Variants in ALPK1 observed in about 807,000 individuals in gnomAD.
ALPK1 encodes alpha-protein kinase 1.
ALPK1 carries 110 observed loss-of-function variants against 120.6 expected under a neutral mutation model. The observed-to-expected ratio is 0.91, with a 90% CI of 0.78 to 1.07. The LOEUF is 1.07. Among genes scored for constraint, ALPK1 ranks in the 50% least tolerant of loss-of-function variants. The pLI is 0.00. For synonymous variants in ALPK1, 582 were observed against 560.3 expected, an observed-to-expected ratio of 1.04 and a Z score of -0.55; for missense variants, 1,498 against 1,483.9, an observed-to-expected ratio of 1.01 and a Z score of -0.16.
chr4:112,364,027 C>A (rs1332068452), intron 2 of ALPK1, among the ~76,000 whole-genome samples: 1 of 152,034 alleles, frequency 6.6e-6, no homozygotes, highest in Non-Finnish European at 1.5e-5. Context: ...AATAGTGACA[C>A]AACCTATCAA....
At chr4:112,432,904 C>T (rs930558771) in intron 11 of ALPK1, among the ~76,000 whole-genome samples, 3 of 152,212 alleles carry the variant, frequency 2.0e-5, no homozygotes, top group African/African-American at 4.8e-5. Flanking sequence ...GAGGCCGTCT[C>T]ATCCACTCAG....
intron 1 of ALPK1, among the ~76,000 whole-genome samples, chr4:112,312,215 C>T (rs6826989): frequency 0.083 from 12,598 of 152,024 alleles, 815 homozygotes; most frequent in Admixed American, 0.21. Context: ...TTATTTTTCT[C>T]CAAAATTTTT....
At chr4:112,357,587 T>C in intron 2 of ALPK1, 1 of 1,555,230 alleles carries the variant, frequency 6.4e-7, no homozygotes, top group Non-Finnish European at 8.9e-7. Context: ...TCCTTTGCCC[T>C]GGAGTTGCAG....
chr4:112,322,091 T>A (rs756452275), intron 2 of ALPK1, among the ~76,000 whole-genome samples: 14 of 152,194 alleles, frequency 9.2e-5, no homozygotes, highest in Middle Eastern at 3.2e-3. Flanking sequence ...GGTGTTGGCA[T>A]CCTCATTAAC....
At chr4:112,304,241 T>G (rs887809629) in intron 1 of ALPK1, among the ~76,000 whole-genome samples, 1 of 152,098 alleles carries the variant, frequency 6.6e-6, no homozygotes, top group Non-Finnish European at 1.5e-5. Flanking sequence ...GCAGCATGAT[T>G]TATAATCCTT....
At chr4:112,342,743 T>C (rs918937733) in intron 2 of ALPK1, among the ~76,000 whole-genome samples, 3 of 152,344 alleles carry the variant, frequency 2.0e-5, no homozygotes, top group Admixed American at 2.0e-4. Context: ...TGTACTTTTA[T>C]CCTTACTAAG....
At chr4:112,381,894 A>T (rs147569100) in intron 3 of ALPK1, among the ~76,000 whole-genome samples, 29 of 152,298 alleles carry the variant, frequency 1.9e-4, no homozygotes, top group African/African-American at 7.0e-4. Flanking sequence ...TTCAAATCTG[A>T]TATGTGTTTT....
intron 2 of ALPK1, among the ~76,000 whole-genome samples, chr4:112,363,773 G>A (rs1027295796): frequency 1.3e-5 from 2 of 152,116 alleles, no homozygotes; most frequent in Non-Finnish European, 2.9e-5. Context: ...ATTCATCAGT[G>A]CATGGAACTT....
intron 7 of ALPK1, chr4:112,425,970 G>T (rs911623892): frequency 2.5e-6 from 1 of 399,128 alleles, no homozygotes; most frequent in Non-Finnish European, 4.6e-6. Flanking sequence ...GAGGTTCACG[G>T]TTGTATATTG....
intron 1 of ALPK1, among the ~76,000 whole-genome samples, chr4:112,305,256 C>T (rs1424209272): frequency 6.6e-6 from 1 of 151,910 alleles, no homozygotes; most frequent in Non-Finnish European, 1.5e-5. Context: ...TCCATATGAA[C>T]TTTAAAGTAG....
intron 2 of ALPK1, among the ~76,000 whole-genome samples, chr4:112,339,765 C>T (rs983645218): frequency 2.6e-5 from 4 of 152,162 alleles, no homozygotes; most frequent in Admixed American, 6.5e-5. Flanking sequence ...GAAATTACTG[C>T]ATCTAAATGT....
chr4:112,343,745 T>TC (rs200808137), intron 2 of ALPK1, among the ~76,000 whole-genome samples: 8 of 117,200 alleles, frequency 6.8e-5, no homozygotes, highest in South Asian at 3.2e-4. Flanking sequence ...CCCCACCCTT[T>TC]CCCCCCCTTC....
Position 112,372,253 on chromosome 4 carries a change from G to A in ALPK1, c.-100-5425G>A, listed in dbSNP as rs528315852. ...TTTTGAGATGGAGTCTTGCTCTGTC[G>A]CTCAGGCTGGAGTGCAGTGGCGTGA... is the stretch of plus-strand genomic sequence containing the variant. On this transcript the variant is annotated intron_variant, in intron 2 of 15. Transcript: ENST00000650871. Among the ~76,000 whole-genome samples, 10 of 144,350 alleles carry A rather than the reference G, an allele frequency of 6.9e-5. No homozygotes were observed. The East Asian group carries it at 1.0e-3, about 15-fold the overall frequency. 94.7% of individuals were successfully genotyped at this position (144,350 alleles called of 152,430 possible).
At chr4:112,359,427 C>A in intron 2 of ALPK1, 1 of 306,998 alleles carries the variant, frequency 3.3e-6, no homozygotes, top group Non-Finnish European at 6.3e-6. Context: ...CCCCCTGCTG[C>A]AGAGGTTCAG....
chr4:112,419,446 G>A (rs1733890677), intron 5 of ALPK1, among the ~76,000 whole-genome samples: 1 of 150,606 alleles, frequency 6.6e-6, no homozygotes. Context: ...AAATAGCACA[G>A]CAATGAGGTT....
intron 1 of ALPK1, among the ~76,000 whole-genome samples, chr4:112,299,179 A>T (rs937309353): frequency 3.9e-5 from 6 of 152,032 alleles, no homozygotes; most frequent in African/African-American, 1.4e-4. Context: ...GAATGTTGTA[A>T]TATGCTTTAT....
intron 2 of ALPK1, among the ~76,000 whole-genome samples, chr4:112,333,853 T>C (rs1473756673): frequency 6.6e-6 from 1 of 152,190 alleles, no homozygotes; most frequent in Non-Finnish European, 1.5e-5. Flanking sequence ...CCACAGCCTC[T>C]CTAAGAGAAG....
At position 112,308,306 on chromosome 4, in the gene ALPK1, T is replaced by C. The variant is rs1038975456; in HGVS notation, c.-152-7495T>C. 1.2e-4 allele frequency among the ~76,000 whole-genome samples: 18 copies of C among 152,230 alleles called. No individual in the cohort carries two copies. In the East Asian group the frequency reaches 3.5e-3, roughly 29 times the overall value. On this transcript the variant is annotated intron_variant, in intron 1 of 15. Coordinates refer to ENST00000650871, the MANE Select transcript of ALPK1 (RefSeq NM_025144.4). ...TTGAATGTTGGCCTGCCTTGCTAGG[T>C]TGGGGAAGTTGTCCTGGATAATATC...
chr4:112,390,344 G>T (rs913301613), intron 4 of ALPK1, among the ~76,000 whole-genome samples: 5 of 152,166 alleles, frequency 3.3e-5, no homozygotes, highest in Admixed American at 6.5e-5. Flanking sequence ...TCTCAGGGAA[G>T]CCTGCCCTGA....
Sources: allele counts gnomAD v4.1 joint callset (sites outside exome capture counted in the v4.1 genomes callset), GRCh38; gene constraint gnomAD v4.1.1; transcripts MANE v1.5; gene names NCBI Gene and HGNC (gene_info 2026-07-23, HGNC 2026-07-21).